ALOX12B: variants seen among roughly 807,000 people sequenced by gnomAD.
ALOX12B encodes arachidonate 12-lipoxygenase, 12R type.
ALOX12B carries 47 observed loss-of-function variants against 78.9 expected under a neutral mutation model. The observed-to-expected ratio is 0.60, with a 90% CI of 0.47 to 0.76. The LOEUF (loss-of-function observed/expected upper bound fraction) is 0.76. Ranked by LOEUF, ALOX12B falls within the 30% of genes least tolerant of loss-of-function variation. The pLI is 0.00. For synonymous variants in ALOX12B, 370 were observed against 374.5 expected (o/e 0.99, Z 0.14); for missense variants, 805 against 922.6 (o/e 0.87, Z 1.65).
chr17:8,087,461 A>T lies in ALOX12B; in HGVS notation c.-19T>A, dbSNP rs1471434868. ...TGGCCATGGCTGCTCTTCAGGAGGC[A>T]AGAGGGGCACTCAGTCCCAGACACC... is the stretch of plus-strand genomic sequence containing the variant. On this transcript the variant is annotated 5_prime_UTR_variant, in exon 1 of 15. Transcript: ENST00000647874. The T allele has an allele frequency of 6.2e-7, 1 of 1,613,938 alleles. No homozygotes were observed. Among genetic ancestry groups the T allele is most frequent in the African/African-American group, 1.3e-5 (1 of 74,942 alleles).
At chr17:8,081,805 GCTA>G (rs938984795) in intron 2 of ALOX12B, among the ~76,000 whole-genome samples, 1 of 152,074 alleles carries the variant, frequency 6.6e-6, no homozygotes, top group African/African-American at 2.4e-5. Flanking sequence ...ACCATGCCCG[GCTA>G]CTTTTTGTAT....
chr17:8,077,302 T>A, intron 8 of ALOX12B, 109 bp from the exon 9 acceptor site: 1 of 1,120,366 alleles, frequency 8.9e-7, no homozygotes, highest in Non-Finnish European at 1.3e-6. Context: ...AAAACACTCC[T>A]AAGCTCCGGT....
Position 8,077,184 on chromosome 17 carries a change from T to C in ALOX12B, c.1081A>G (p.Thr361Ala). ...MMPIAIQLSQ[T>A]PGPDCPIFLP... ...AAGATGGGGCAATCTGGCCCAGGGG[T>C]CTGGCTGAGCTAGGTGTGGTGAAAG... The change falls in exon 9 of 15, where the codon ACC (threonine) becomes GCC (alanine). Residue 361 changes from threonine (T) to alanine (A), a missense_variant. By Grantham distance (58) the Thr-to-Ala change is moderately conservative (BLOSUM62 0). Coordinates refer to ENST00000647874, the MANE Select transcript of ALOX12B (RefSeq NM_001139.3). 1 of 1,611,768 alleles carries C rather than the reference T, an allele frequency of 6.2e-7. No homozygotes were observed. Among genetic ancestry groups the C allele is most frequent in the Non-Finnish European group, 8.5e-7 (1 of 1,179,138 alleles).
chr17:8,082,491 G>T (rs4360988), intron 2 of ALOX12B, among the ~76,000 whole-genome samples: 81,346 of 152,034 alleles, frequency 0.54, 22,282 homozygotes, highest in African/African-American at 0.65. Context: ...AAACCTGGAA[G>T]GTGGACAGAC....
At chr17:8,078,401 G>T (rs113217637) in intron 8 of ALOX12B, among the ~76,000 whole-genome samples, 262 of 19,324 alleles carry the variant, frequency 0.014, 1 homozygote, top group Non-Finnish European at 0.014. Flanking sequence ...TGCCCACCTC[G>T]GCCTCCCAAA....
chr17:8,085,130 G>C (rs1978292820), intron 2 of ALOX12B, among the ~76,000 whole-genome samples: 1 of 152,184 alleles, frequency 6.6e-6, no homozygotes, highest in Non-Finnish European at 1.5e-5. Context: ...AGAGAAATAT[G>C]GTGTCCTGTT....
chr17:8,085,675 A>C (rs3027300), intron 2 of ALOX12B, among the ~76,000 whole-genome samples: 28,365 of 152,118 alleles, frequency 0.19, 2,713 homozygotes, highest in South Asian at 0.24. Flanking sequence ...TAGCATCACA[A>C]GGGGTATTTT....
At chr17:8,084,765 C>G (rs1016416682) in intron 2 of ALOX12B, among the ~76,000 whole-genome samples, 14 of 152,174 alleles carry the variant, frequency 9.2e-5, no homozygotes, top group Non-Finnish European at 1.0e-4. Context: ...CCTGGGTGTC[C>G]TCAGCTCAGC....
chr17:8,076,743 G>A lies in ALOX12B; in HGVS notation c.1276C>T (p.Leu426Phe). Residue 426 changes from leucine to phenylalanine, a missense_variant and splice_region_variant, in exon 10 of 15, where the codon CTC (leucine) becomes TTC (phenylalanine). Physicochemically the swap from Leu to Phe is conservative, Grantham distance 22. Coordinates refer to ENST00000647874, the MANE Select transcript of ALOX12B (RefSeq NM_001139.3). ...NLPMCHPLYK[L>F]LIPHTRYTVQ... The stretch of plus-strand genomic sequence containing the variant: ...GTGTATCGGGTATGGGGGATGAGGA[G>A]CTGTGGGGAGAGCAAGGAGGATGAA... 1 of 1,550,270 alleles carries A rather than the reference G, an allele frequency of 6.5e-7. No homozygotes were observed. Among genetic ancestry groups the A allele is most frequent in the Non-Finnish European group, 8.7e-7 (1 of 1,147,012 alleles).
chr17:8,082,472 A>T (rs1482616501), intron 2 of ALOX12B, among the ~76,000 whole-genome samples: 1 of 152,100 alleles, frequency 6.6e-6, no homozygotes, highest in Non-Finnish European at 1.5e-5. Flanking sequence ...GGAGAAAGAC[A>T]CTCCTTTGAA....
intron 2 of ALOX12B, among the ~76,000 whole-genome samples, chr17:8,084,524 A>G (rs534168460): frequency 2.0e-5 from 3 of 152,090 alleles, no homozygotes; most frequent in African/African-American, 7.2e-5. Context: ...GGCCACCAGC[A>G]TCACCCTGCC....
intron 9 of ALOX12B, 77 bp downstream of exon 9, chr17:8,076,913 T>C: frequency 6.6e-7 from 1 of 1,510,150 alleles, no homozygotes; most frequent in Admixed American, 1.9e-5. Flanking sequence ...CTCTGACTGC[T>C]CAGTGGGCCT....
chr17:8,074,246 T>C (rs1693734892), intron 12 of ALOX12B, among the ~76,000 whole-genome samples: 1 of 152,172 alleles, frequency 6.6e-6, no homozygotes, highest in African/African-American at 2.4e-5. Context: ...TTTCCTGTTG[T>C]CCCGTGTGAA....
At chr17:8,077,220 G>T in intron 8 of ALOX12B, 27 bp from the exon 9 acceptor site, 5 of 1,591,722 alleles carry the variant, frequency 3.1e-6, no homozygotes, top group Non-Finnish European at 4.3e-6. Flanking sequence ...AGAAAGGGTT[G>T]GGTGAGGGCA....
rs139490887 is a variant in ALOX12B at position 8,086,207 on chromosome 17, G to A, written c.161C>T (p.Thr54Ile). ...DFATGAVGQY[T>I]VQCPQDLGEL... The stretch of plus-strand genomic sequence containing the variant: ...ACCCAGGTCCTGAGGGCACTGCACG[G>A]TGTACTGGCCCACCTAGGCAGGATG... Residue 54 changes from threonine to isoleucine, a missense_variant, in exon 2 of 15, where the codon ACC (threonine) becomes ATC (isoleucine). By Grantham distance (89) the Thr-to-Ile change is moderately conservative. Transcript: ENST00000647874. 15 of 1,614,056 alleles carry A rather than the reference G, an allele frequency of 9.3e-6. No individual in the cohort carries two copies. Among genetic ancestry groups the A allele is most frequent in the Non-Finnish European group, 1.2e-5 (14 of 1,179,980 alleles).
In ALOX12B at chr17:8,076,290, C is replaced by G; in HGVS notation, c.1417G>C (p.Glu473Gln). The change falls in exon 11 of 15, where the codon GAG (glutamate) becomes CAG (glutamine). Residue 473 changes from glutamate to glutamine, a missense_variant. Transcript: ENST00000647874. ...FAGVMVRALS[E>Q]LTYDSLYLPN... ...AGGTAGAGGCTGTCATAGGTGAGCT[C>G]CGACAGAGCCCGTACCATCACCCCA... The G allele has an allele frequency of 6.2e-7, 1 of 1,613,402 alleles. No individual in the cohort carries two copies. The highest frequency in any genetic ancestry group is 8.5e-7 in the Non-Finnish European group (1 of 1,179,716).
intron 2 of ALOX12B, among the ~76,000 whole-genome samples, chr17:8,084,489 GC>G (rs1377421819): frequency 1.3e-5 from 2 of 152,152 alleles, no homozygotes; most frequent in Non-Finnish European, 1.5e-5. Context: ...CGTGGCAGCG[GC>G]CCCACCCAAC....
intron 2 of ALOX12B, among the ~76,000 whole-genome samples, chr17:8,084,321 C>G (rs1410861996): frequency 1.3e-5 from 2 of 152,194 alleles, no homozygotes; most frequent in Non-Finnish European, 2.9e-5. Context: ...CCTCACCACC[C>G]TCTCCCTCCT....
intron 1 of ALOX12B, among the ~76,000 whole-genome samples, chr17:8,086,473 T>C (rs1185768252): frequency 6.6e-6 from 1 of 152,168 alleles, no homozygotes; most frequent in Non-Finnish European, 1.5e-5. Flanking sequence ...CCCCAGCTCC[T>C]GTCTTCTCCC....
Sources: gnomAD v4.1 joint callset for allele counts (sites outside exome capture counted in the v4.1 genomes callset) on GRCh38, gnomAD v4.1.1 for gene constraint, MANE v1.5 for transcripts, NCBI Gene and HGNC (gene_info 2026-07-23, HGNC 2026-07-21) for gene names.